The following KIAA1328 variants were observed in gnomAD, a reference collection of about 807,000 sequenced individuals.
KIAA1328 encodes protein hinderin.
In KIAA1328, 52 loss-of-function variants were observed where a neutral mutation model predicts 68.1. The observed-to-expected ratio is 0.76, with a 90% CI of 0.61 to 0.96. The LOEUF (loss-of-function observed/expected upper bound fraction) is 0.96. Among genes scored for constraint, KIAA1328 ranks in the 40% least tolerant of loss-of-function variants. The probability of loss-of-function intolerance (pLI) is 0.00; values close to 1 mark genes in which losing one functional copy is unlikely to be tolerated. For missense variants in KIAA1328, 641 were observed against 677.6 expected (o/e 0.95, Z 0.60); for synonymous variants, 232 against 239.4 (o/e 0.97, Z 0.28).
At chr18:36,850,513 A>G (rs181159899) in intron 4 of KIAA1328, among the ~76,000 whole-genome samples, 1 of 152,100 alleles carries the variant, frequency 6.6e-6, no homozygotes, top group Admixed American at 6.6e-5. Flanking sequence ...ATTTTTTCCT[A>G]TACTTACATA....
chr18:37,077,930 T>C (rs920358401), intron 7 of KIAA1328, among the ~76,000 whole-genome samples: 4 of 152,098 alleles, frequency 2.6e-5, no homozygotes, highest in Admixed American at 1.3e-4. Flanking sequence ...TTCAATGCCA[T>C]TCCCATCAAC....
At chr18:37,102,592 C>T (rs1277245708) in intron 7 of KIAA1328, among the ~76,000 whole-genome samples, 2 of 152,196 alleles carry the variant, frequency 1.3e-5, no homozygotes, top group South Asian at 2.1e-4. Context: ...ACTTAATAAA[C>T]GCCATGTATG....
chr18:36,870,616 C>T (rs1019729250), intron 4 of KIAA1328, among the ~76,000 whole-genome samples: 71 of 152,098 alleles, frequency 4.7e-4, no homozygotes, highest in African/African-American at 1.4e-3. Context: ...TTAGAACTTA[C>T]GGAAAGGTTT....
chr18:36,941,611 CAT>C (rs1204054646), intron 5 of KIAA1328, among the ~76,000 whole-genome samples: 4 of 152,006 alleles, frequency 2.6e-5, no homozygotes, highest in South Asian at 4.2e-4. Flanking sequence ...AATAAATAAA[CAT>C]GTATATAAAT....
chr18:37,016,917 A>G (rs911073314), intron 6 of KIAA1328, among the ~76,000 whole-genome samples: 2 of 152,062 alleles, frequency 1.3e-5, no homozygotes, highest in African/African-American at 2.4e-5. Context: ...CAAATAACCA[A>G]TGTTTGGTTT....
chr18:36,934,255 T>C (rs1191978623), intron 5 of KIAA1328, among the ~76,000 whole-genome samples: 2 of 152,186 alleles, frequency 1.3e-5, no homozygotes, highest in African/African-American at 4.8e-5. Flanking sequence ...TGTTTTCCTC[T>C]CTGGAAATTG....
chr18:36,905,947 T>C (rs1285702118), intron 5 of KIAA1328, among the ~76,000 whole-genome samples: 1 of 152,180 alleles, frequency 6.6e-6, no homozygotes, highest in Non-Finnish European at 1.5e-5. Flanking sequence ...CTGCCATCTA[T>C]TTAATTGCTC....
In KIAA1328 at chr18:37,045,458, G is replaced by A. The variant is rs2055429323; in HGVS notation, c.577-21432G>A. Among the ~76,000 whole-genome samples, 3 of 151,666 alleles carry A rather than the reference G, an allele frequency of 2.0e-5. No individual in the cohort carries two copies. The South Asian group carries it at 6.2e-4, about 31-fold the overall frequency. On this transcript the variant is annotated intron_variant, in intron 6 of 9. Coordinates refer to ENST00000280020, the MANE Select transcript of KIAA1328 (RefSeq NM_020776.3). The stretch of plus-strand genomic sequence containing the variant: ...GGTCTTCATTTCAAATGCTTACCAA[G>A]CATTCCATTTCTTTTTTTTTTTCTT...
At chr18:37,055,288 C>T (rs918149150) in intron 6 of KIAA1328, among the ~76,000 whole-genome samples, 5 of 152,088 alleles carry the variant, frequency 3.3e-5, no homozygotes, top group Non-Finnish European at 4.4e-5. Context: ...GTCATATGAC[C>T]TGGAAAAGGC....
chr18:36,834,449 T>A (rs1600909003), intron 2 of KIAA1328, 94 bp downstream of exon 2: 1 of 1,094,586 alleles, frequency 9.1e-7, no homozygotes, highest in East Asian at 2.8e-5. Context: ...CGGGTATAAA[T>A]AACTGAATGC....
Position 37,192,145 on chromosome 18 carries a change from T to TTGTGTGTGTGTGTG in KIAA1328, c.1523+19082_1523+19095dup, listed in dbSNP as rs10667132. Among the ~76,000 whole-genome samples the TTGTGTGTGTGTGTG allele has an allele frequency of 3.3e-3, 479 of 144,720 alleles. 1 individual carries two copies. The highest frequency in any genetic ancestry group is 4.2e-3 in the Non-Finnish European group (277 of 65,852). The allele number at this position is 144,720 out of a possible 152,430, so 94.9% of individuals were successfully genotyped here. A position where few individuals can be genotyped will look rare whatever the true frequency, so the allele number is the denominator to read the frequency against. On this transcript the variant is annotated intron_variant, in intron 9 of 9. Transcript: ENST00000280020. ...TTACATCTAAAGATAAGTCAAGAAA[T>TTGTGTGTGTGTGTG]TGTGTGTGTGTGTGTGTGTGTGTGT...
chr18:37,042,391 T>C (rs1467647369), intron 6 of KIAA1328, among the ~76,000 whole-genome samples: 1 of 152,222 alleles, frequency 6.6e-6, no homozygotes, highest in African/African-American at 2.4e-5. Flanking sequence ...GCATTTCTTA[T>C]AAAGGCAGCT....
At chr18:36,959,249 A>G (rs1230820183) in intron 5 of KIAA1328, 59 bp from the exon 6 acceptor site, 1 of 1,473,780 alleles carries the variant, frequency 6.8e-7, no homozygotes, top group Non-Finnish European at 9.0e-7. Flanking sequence ...GAAAAGCAGC[A>G]TTGATGGATG....
rs2060597580 is a variant in KIAA1328 at position 37,223,311 on chromosome 18, C to A, written c.*1084C>A. The A allele has an allele frequency of 1.0e-6, 1 of 985,342 alleles. No individual in the cohort carries two copies. The highest frequency in any genetic ancestry group is 1.2e-6 in the Non-Finnish European group (1 of 829,972). 61.0% of individuals were successfully genotyped at this position (985,342 alleles called of 1,614,324 possible). A position where few individuals can be genotyped will look rare whatever the true frequency, so the allele number is the denominator to read the frequency against. ...GGGTCTCCCTACTTTTTCTCACTGG[C>A]CTCGTTTTGACCCAGAGAAAGCCTA... On this transcript the variant is annotated 3_prime_UTR_variant, in exon 10 of 10. Coordinates refer to ENST00000280020, the MANE Select transcript of KIAA1328 (RefSeq NM_020776.3).
chr18:37,089,890 G>A (rs769350192), intron 7 of KIAA1328, among the ~76,000 whole-genome samples: 23 of 152,066 alleles, frequency 1.5e-4, no homozygotes, highest in African/African-American at 9.7e-5. Context: ...AAAAGAAACC[G>A]GAGGACTTAG....
At chr18:36,894,588 AGT>A (rs2048809060) in intron 5 of KIAA1328, among the ~76,000 whole-genome samples, 1 of 151,958 alleles carries the variant, frequency 6.6e-6, no homozygotes, top group Non-Finnish European at 1.5e-5. Context: ...ACAGTGGTGC[AGT>A]CATGGCTCAC....
chr18:36,901,440 A>G (rs1240366436), intron 5 of KIAA1328, among the ~76,000 whole-genome samples: 1 of 152,046 alleles, frequency 6.6e-6, no homozygotes, highest in African/African-American at 2.4e-5. Context: ...TGTTTCTCCA[A>G]CACTTGTGGA....
At chr18:36,946,565 C>G (rs2050909942) in intron 5 of KIAA1328, 1 of 152,162 alleles carries the variant, frequency 6.6e-6, no homozygotes, top group Non-Finnish European at 1.5e-5. Context: ...TCTAGTGGTT[C>G]TAAGACTTTA....
intron 7 of KIAA1328, among the ~76,000 whole-genome samples, chr18:37,116,818 A>G (rs985167006): frequency 3.9e-5 from 6 of 152,236 alleles, no homozygotes; most frequent in African/African-American, 1.4e-4. Flanking sequence ...TGTACAAGAA[A>G]ATATCAAACA....
Sources: gnomAD v4.1 joint callset for allele counts (sites outside exome capture counted in the v4.1 genomes callset) on GRCh38, gnomAD v4.1.1 for gene constraint, MANE v1.5 for transcripts, NCBI Gene and HGNC (gene_info 2026-07-23, HGNC 2026-07-21) for gene names.